SLIT1: variants seen among roughly 807,000 people sequenced by gnomAD.
The protein encoded by SLIT1 is slit guidance ligand 1.
In SLIT1, 66 loss-of-function variants were observed where a neutral mutation model predicts 186.1. The observed-to-expected ratio is 0.35, with a 90% confidence interval of 0.29 to 0.44. The LOEUF (loss-of-function observed/expected upper bound fraction) is 0.44. Ranked by LOEUF, SLIT1 falls within the 20% of genes least tolerant of loss-of-function variation. The pLI, the probability that SLIT1 is intolerant of heterozygous loss-of-function variation, is 1.00. For missense variants in SLIT1, 1,638 were observed against 2,037.4 expected, an observed-to-expected ratio of 0.80 and a Z score of 3.77; for synonymous variants, 761 against 833.8, an observed-to-expected ratio of 0.91 and a Z score of 1.50.
intron 4 of SLIT1, among the ~76,000 whole-genome samples, chr10:97,075,629 G>C (rs1329337955): frequency 6.6e-6 from 1 of 152,200 alleles, no homozygotes; most frequent in African/African-American, 2.4e-5. Flanking sequence ...TCACACGACT[G>C]TTATCAATAA....
chr10:97,060,232 C>T (rs1217605953), intron 9 of SLIT1, 74 bp from the exon 10 acceptor site: 1 of 1,226,856 alleles, frequency 8.2e-7, no homozygotes, highest in Non-Finnish European at 1.2e-6. Context: ...GCTGGGCTCA[C>T]CTGCCCTGAA....
intron 14 of SLIT1, among the ~76,000 whole-genome samples, chr10:97,048,277 A>C (rs1159915145): frequency 6.6e-6 from 1 of 152,182 alleles, no homozygotes; most frequent in Non-Finnish European, 1.5e-5. Flanking sequence ...CTAATTTTAC[A>C]GGTGGGGACG....
rs1286595675 is a variant in SLIT1 at position 97,039,847 on chromosome 10, C to T, written c.2297+141G>A. 16 of 902,156 alleles carry T rather than the reference C, an allele frequency of 1.8e-5. No individual in the cohort carries two copies. The Admixed American group carries it at 1.9e-4, about 11-fold the overall frequency. 55.9% of individuals were successfully genotyped at this position (902,156 alleles called of 1,614,324 possible). On this transcript the variant is annotated intron_variant, in intron 21 of 36. Transcript: ENST00000266058. ...TGGAGGCAGTGTTTTCTGCAAAGCC[C>T]GAACTCCAGCTCCTAGTCAGCTAAT...
At chr10:97,074,705 G>A (rs61864220) in intron 4 of SLIT1, among the ~76,000 whole-genome samples, 192 of 152,118 alleles carry the variant, frequency 1.3e-3, no homozygotes, top group Middle Eastern at 3.4e-3. Context: ...TGGAAGCATC[G>A]GGCAACCCCA....
chr10:97,030,262 C>T (rs1446632089), intron 25 of SLIT1, among the ~76,000 whole-genome samples: 1 of 152,226 alleles, frequency 6.6e-6, no homozygotes, highest in East Asian at 1.9e-4. Context: ...CATTGAATTA[C>T]AGCACCTATT....
At chr10:97,090,191 T>C (rs1363140903) in intron 4 of SLIT1, among the ~76,000 whole-genome samples, 2 of 152,018 alleles carry the variant, frequency 1.3e-5, no homozygotes, top group South Asian at 2.1e-4. Flanking sequence ...ATTTCAGAGA[T>C]GGAGGAGTGC....
chr10:97,117,764 G>T (rs186516394), intron 4 of SLIT1, among the ~76,000 whole-genome samples: 4 of 152,332 alleles, frequency 2.6e-5, no homozygotes. Context: ...TCTCCCTGAG[G>T]ACAACTCATT....
intron 1 of SLIT1, among the ~76,000 whole-genome samples, chr10:97,166,232 C>G (rs115939178): frequency 6.6e-6 from 1 of 151,828 alleles, no homozygotes; most frequent in Admixed American, 6.6e-5. Context: ...GTGTTTGGTC[C>G]GGCCTGGTGT....
chr10:97,146,738 G>A (rs1484566443), intron 4 of SLIT1, among the ~76,000 whole-genome samples: 1 of 152,200 alleles, frequency 6.6e-6, no homozygotes, highest in Non-Finnish European at 1.5e-5. Flanking sequence ...GCCCAGCACA[G>A]ACCCATAGAG....
intron 28 of SLIT1, among the ~76,000 whole-genome samples, chr10:97,018,111 T>C (rs747467888): frequency 2.0e-4 from 31 of 152,070 alleles, no homozygotes; most frequent in Non-Finnish European, 3.5e-4. Context: ...CCTCCCAAAG[T>C]GTTGGGATTA....
intron 28 of SLIT1, among the ~76,000 whole-genome samples, chr10:97,017,152 G>A (rs1848460943): frequency 6.6e-6 from 1 of 152,228 alleles, no homozygotes; most frequent in African/African-American, 2.4e-5. Flanking sequence ...AGGGTGAAGG[G>A]GGTGTCCTTT....
intron 30 of SLIT1, among the ~76,000 whole-genome samples, chr10:97,011,782 C>T (rs1848412989): frequency 6.6e-6 from 1 of 152,118 alleles, no homozygotes; most frequent in Non-Finnish European, 1.5e-5. Context: ...CTCCTGCTCC[C>T]CTGACACCAA....
intron 4 of SLIT1, among the ~76,000 whole-genome samples, chr10:97,082,833 G>A (rs550664200): frequency 6.6e-6 from 1 of 152,238 alleles, no homozygotes; most frequent in East Asian, 1.9e-4. Flanking sequence ...GGGGCAGGGA[G>A]TAAATGAAAA....
chr10:97,040,409 C>T (rs900759092), intron 20 of SLIT1, among the ~76,000 whole-genome samples: 14 of 152,130 alleles, frequency 9.2e-5, no homozygotes, highest in African/African-American at 3.1e-4. Context: ...GCGCACCATC[C>T]CATCCCCGGA....
intron 3 of SLIT1, among the ~76,000 whole-genome samples, chr10:97,161,426 G>A (rs1472900121): frequency 6.6e-6 from 1 of 152,216 alleles, no homozygotes; most frequent in Non-Finnish European, 1.5e-5. Flanking sequence ...GGCTGTAGGA[G>A]GGCAACGAGG....
chr10:97,007,775 T>C (rs1848372542), intron 31 of SLIT1, among the ~76,000 whole-genome samples: 1 of 151,880 alleles, frequency 6.6e-6, no homozygotes, highest in Non-Finnish European at 1.5e-5. Flanking sequence ...AAACTAGGAA[T>C]AGAAGTGAAC....
chr10:97,119,941 A>G (rs866910059), intron 4 of SLIT1, among the ~76,000 whole-genome samples: 23 of 137,222 alleles, frequency 1.7e-4, no homozygotes, highest in South Asian at 2.4e-4. Flanking sequence ...ATATATATAT[A>G]TATATGTATA....
chr10:97,166,560 AG>A (rs1850113728), intron 1 of SLIT1, among the ~76,000 whole-genome samples: 2 of 46,764 alleles, frequency 4.3e-5, no homozygotes, highest in African/African-American at 7.5e-5. Flanking sequence ...GGAAGGAAAG[AG>A]AGAGAGAGAG....
intron 4 of SLIT1, among the ~76,000 whole-genome samples, chr10:97,146,985 C>T (rs926665101): frequency 1.3e-5 from 2 of 152,040 alleles, no homozygotes; most frequent in East Asian, 1.9e-4. Context: ...GACAGAGGCT[C>T]AAGCAACTGC....
Sources: allele counts gnomAD v4.1 joint callset (sites outside exome capture counted in the v4.1 genomes callset), GRCh38; gene constraint gnomAD v4.1.1; transcripts MANE v1.5; gene names NCBI Gene and HGNC (gene_info 2026-07-23, HGNC 2026-07-21).